Variants in LYPLA1 observed in about 807,000 individuals in gnomAD.
LYPLA1 encodes acyl-protein thioesterase 1.
Under a neutral mutation model 34.0 loss-of-function variants are expected in LYPLA1, and 17 were observed. That is an observed-to-expected ratio of 0.50 (90% confidence interval 0.34 to 0.75). LYPLA1 has a LOEUF of 0.75. Among genes scored for constraint, LYPLA1 ranks in the 30% least tolerant of loss-of-function variants. The pLI is 0.01. For missense variants in LYPLA1, 203 were observed against 288.8 expected (o/e 0.70, Z 2.15); for synonymous variants, 98 against 100.8 (o/e 0.97, Z 0.17).
At position 54,047,414 on chromosome 8, in the gene LYPLA1, T is replaced by C. The variant is rs1246991675; in HGVS notation, c.*651A>G. 1.3e-5 allele frequency: 2 copies of C among 151,844 alleles called. No individual in the cohort carries two copies. Among genetic ancestry groups the C allele is most frequent in the East Asian group, 3.9e-4 (2 of 5,176 alleles). The allele number at this position is 151,844 out of a possible 1,614,324, so 9.4% of individuals were successfully genotyped here. On this transcript the variant is annotated 3_prime_UTR_variant, in exon 9 of 9. Coordinates refer to ENST00000316963, the MANE Select transcript of LYPLA1 (RefSeq NM_006330.4). ...GAAAAAACAAACTTTTTTTTTTTTC[T>C]TGAGAGAAAAGAGTATTAAATAGAA...
chr8:54,062,523 A>ATTTATTTT (rs1806732122), intron 4 of LYPLA1, among the ~76,000 whole-genome samples, 199 bp from the exon 5 acceptor site: 2 of 150,358 alleles, frequency 1.3e-5, no homozygotes, highest in Admixed American at 1.3e-4. Context: ...TTATTTATTT[A>ATTTATTTT]TTTTTTGAGA....
At chr8:54,060,245 C>T (rs1806501299) in intron 5 of LYPLA1, among the ~76,000 whole-genome samples, 1 of 152,116 alleles carries the variant, frequency 6.6e-6, no homozygotes, top group Non-Finnish European at 1.5e-5. Context: ...CCTGGCTCAG[C>T]CTCCCAAGTA....
Position 54,052,677 on chromosome 8 carries a change from G to A in LYPLA1, c.440C>T (p.Pro147Leu), listed in dbSNP as rs1249104005. The A allele has an allele frequency of 6.2e-7, 1 of 1,613,676 alleles. No individual in the cohort carries two copies. Among genetic ancestry groups the A allele is most frequent in the South Asian group, 1.1e-5 (1 of 91,050 alleles). Residue 147 changes from proline (P) to leucine (L), a missense_variant, in exon 7 of 9, where the codon CCA (proline) becomes CTA (leucine). Pro to Leu is a moderately conservative substitution (Grantham distance 98). Transcript: ENST00000316963. The part of the protein sequence containing the change: ...AGVTALSCWL[P>L]LRASFPQGPI... ...TACCTGTGGAAAGGAAGCCCGAAGTGGAAGCCAGCAACTGAGTGCAGTGAC... is the reference window on the plus strand; with the variant it reads ...TACCTGTGGAAAGGAAGCCCGAAGTAGAAGCCAGCAACTGAGTGCAGTGAC...
chr8:54,084,124 G>GAAAAAAAAAAA (rs201545035), intron 2 of LYPLA1, among the ~76,000 whole-genome samples: 6 of 56,380 alleles, frequency 1.1e-4, no homozygotes, highest in African/African-American at 4.5e-4. Context: ...GGAGACCAAA[G>GAAAAAAAAAAA]AAAAAAAAAA....
At chr8:54,076,708 T>A (rs1807933891) in intron 2 of LYPLA1, among the ~76,000 whole-genome samples, 1 of 152,254 alleles carries the variant, frequency 6.6e-6, no homozygotes, top group South Asian at 2.1e-4. Flanking sequence ...AACAACAGCA[T>A]GAGCGATCTG....
At chr8:54,086,438 T>TAAAAAAA (rs768755796) in intron 2 of LYPLA1, among the ~76,000 whole-genome samples, 3 of 34,692 alleles carry the variant, frequency 8.6e-5, no homozygotes, top group Non-Finnish European at 1.6e-4. Flanking sequence ...CTAAAAAAAT[T>TAAAAAAA]AAAAAAAAAA....
chr8:54,075,878 A>C (rs539212347), intron 2 of LYPLA1, among the ~76,000 whole-genome samples: 1 of 152,350 alleles, frequency 6.6e-6, no homozygotes, highest in African/African-American at 2.4e-5. Context: ...ATTGCACTGC[A>C]GAACAGGCAG....
chr8:54,101,008 T>A, intron 1 of LYPLA1, 69 bp from the exon 2 acceptor site: 1 of 1,310,876 alleles, frequency 7.6e-7, no homozygotes, highest in Middle Eastern at 1.8e-4. Context: ...ACACACTAGC[T>A]TTGCTTAAGG....
intron 2 of LYPLA1, among the ~76,000 whole-genome samples, chr8:54,093,038 A>G (rs762765210): frequency 6.6e-6 from 1 of 152,214 alleles, no homozygotes; most frequent in Non-Finnish European, 1.5e-5. Context: ...CTAACTAGAC[A>G]AGAAAAAAAA....
chr8:54,101,226 T>G, intron 1 of LYPLA1: 1 of 649,870 alleles, frequency 1.5e-6, no homozygotes, highest in Non-Finnish European at 2.1e-6. Flanking sequence ...TTTATCTCTT[T>G]CAAGTGAAAT....
At chr8:54,059,198 T>C (rs569367540) in intron 5 of LYPLA1, among the ~76,000 whole-genome samples, 3 of 152,328 alleles carry the variant, frequency 2.0e-5, no homozygotes, top group South Asian at 4.1e-4. Flanking sequence ...AAATCCCAAC[T>C]CTAGGATTCT....
At chr8:54,064,290 G>A (rs1384896110) in intron 3 of LYPLA1, among the ~76,000 whole-genome samples, 23 of 152,022 alleles carry the variant, frequency 1.5e-4, no homozygotes, top group Non-Finnish European at 1.9e-4. Context: ...GGTGGCAGGC[G>A]CCTGTAATTC....
rs192718423 is a variant in LYPLA1 at position 54,100,671 on chromosome 8, G to A, written c.101+237C>T. The A allele has an allele frequency of 2.7e-3, 1,332 of 502,386 alleles. 3 individuals are homozygous for A. Among genetic ancestry groups the A allele is most frequent in the Non-Finnish European group, 3.5e-3 (1,000 of 283,246 alleles). The allele number at this position is 502,386 out of a possible 1,614,324, so 31.1% of individuals were successfully genotyped here. ...ATCCAATACCCAAAGCAACTAATGA[G>A]GAATTTGAAATTTTAATATGTTCCA... On this transcript the variant is annotated intron_variant, in intron 2 of 8. Coordinates refer to ENST00000316963, the MANE Select transcript of LYPLA1 (RefSeq NM_006330.4).
chr8:54,077,887 T>TA (rs1808025070), intron 2 of LYPLA1, among the ~76,000 whole-genome samples: 2 of 152,042 alleles, frequency 1.3e-5, no homozygotes, highest in Non-Finnish European at 2.9e-5. Context: ...GAGCTGGAAA[T>TA]GTTCTCTATC....
intron 2 of LYPLA1, among the ~76,000 whole-genome samples, chr8:54,070,635 A>T (rs2129340131): frequency 6.6e-6 from 1 of 152,300 alleles, no homozygotes; most frequent in South Asian, 2.1e-4. Context: ...AGGTAGAAGA[A>T]TCACTCAAAC....
chr8:54,048,101 C>A lies in LYPLA1; in HGVS notation c.657G>T (p.Lys219Asn). 1 of 1,609,398 alleles carries A rather than the reference C, an allele frequency of 6.2e-7. No individual in the cohort carries two copies. Among genetic ancestry groups the A allele is most frequent in the Non-Finnish European group, 8.5e-7 (1 of 1,176,170 alleles). Reference sequence around the variant, plus strand: ...GAGGTAGGAGTTTATCAATGAATTGCTTGACATCCATCATTTCCTGTTTGG... The same window carrying A: ...GAGGTAGGAGTTTATCAATGAATTGATTGACATCCATCATTTCCTGTTTGG... ...SSCQQEMMDVKQFIDKLLPPI... is the reference protein window; with the variant it reads ...SSCQQEMMDVNQFIDKLLPPI... Residue 219 changes from lysine (K) to asparagine (N), a missense_variant, in exon 9 of 9, where the codon AAG (lysine) becomes AAT (asparagine). Coordinates refer to ENST00000316963, the MANE Select transcript of LYPLA1 (RefSeq NM_006330.4).
intron 2 of LYPLA1, among the ~76,000 whole-genome samples, chr8:54,078,868 A>G (rs1808094970): frequency 6.6e-6 from 1 of 150,444 alleles, no homozygotes; most frequent in Non-Finnish European, 1.5e-5. Context: ...ATGCAAGTCT[A>G]TGTTCAACAA....
rs1236914444 is a variant in LYPLA1, at chr8:54,048,023, C to G, written c.*42G>C. ...ATGGGAAAAGGTTTACACTCTACTA[C>G]AATGATGCTGGTGTACTTCTACACA... On this transcript the variant is annotated 3_prime_UTR_variant, in exon 9 of 9. Transcript: ENST00000316963. 1.4e-6 allele frequency: 2 copies of G among 1,405,314 alleles called. No individual in the cohort carries two copies. Among genetic ancestry groups the G allele is most frequent in the Admixed American group, 3.4e-5 (2 of 58,510 alleles). 87.1% of individuals were successfully genotyped at this position (1,405,314 alleles called of 1,614,324 possible). A position where few individuals can be genotyped will look rare whatever the true frequency, so the allele number is the denominator to read the frequency against.
At chr8:54,074,995 C>G (rs938449765) in intron 2 of LYPLA1, among the ~76,000 whole-genome samples, 1 of 152,220 alleles carries the variant, frequency 6.6e-6, no homozygotes, top group Non-Finnish European at 1.5e-5. Context: ...CTACATTTTT[C>G]TCTATGTGGA....
Sources: allele counts gnomAD v4.1 joint callset (sites outside exome capture counted in the v4.1 genomes callset), GRCh38; gene constraint gnomAD v4.1.1; transcripts MANE v1.5; gene names NCBI Gene and HGNC (gene_info 2026-07-23, HGNC 2026-07-21).